Variants in FANCM observed in about 807,000 individuals in gnomAD.
FANCM encodes the protein FA complementation group M, also known as Fanconi anemia group M protein.
A neutral mutation model predicts 199.5 loss-of-function variants in FANCM; 140 were observed. That is an observed-to-expected ratio of 0.70 (90% CI 0.61 to 0.81). The LOEUF (loss-of-function observed/expected upper bound fraction) is 0.81. Ranked by LOEUF, FANCM falls within the 30% of genes least tolerant of loss-of-function variation. The pLI is 0.00. For synonymous variants in FANCM, 840 were observed against 836.8 expected (o/e 1.00, Z -0.07); for missense variants, 2,410 against 2,421.4 (o/e 1.00, Z 0.10).
Position 45,198,634 on chromosome 14 carries a change from G to T in FANCM, c.5717-10G>T, listed in dbSNP as rs939194173. ...CTGAAGTTTGCCTTTCCCTAAATATGAATATTTAGGAGACACATCAAGGAT... is the reference window on the plus strand; with the variant it reads ...CTGAAGTTTGCCTTTCCCTAAATATTAATATTTAGGAGACACATCAAGGAT... On this transcript the variant is annotated splice_polypyrimidine_tract_variant and intron_variant, in intron 21 of 22. Transcript: ENST00000267430. The T allele has an allele frequency of 2.5e-6, 4 of 1,589,704 alleles. No homozygotes were observed. The highest frequency in any genetic ancestry group is 3.4e-6 in the Non-Finnish European group (4 of 1,161,740).
intron 5 of FANCM, 44 bp downstream of exon 5, chr14:45,151,572 C>G (rs1886821731): frequency 6.4e-7 from 1 of 1,557,334 alleles, no homozygotes; most frequent in Non-Finnish European, 8.8e-7. Flanking sequence ...TAAATTTTCA[C>G]TGAAAGCCAG....
At position 45,181,724 on chromosome 14, in the gene FANCM, A is replaced by G. The variant is rs1256968553; in HGVS notation, c.4386+19A>G. On this transcript the variant is annotated intron_variant, in intron 16 of 22. Coordinates refer to ENST00000267430, the MANE Select transcript of FANCM (RefSeq NM_020937.4). The stretch of plus-strand genomic sequence containing the variant: ...AAACAGAGTAAGTAAATACCAGGTA[A>G]TGTATAGTAATCCAAATTCCTTTGG... 1 of 1,489,110 alleles carries G rather than the reference A, an allele frequency of 6.7e-7. No homozygotes were observed. Among genetic ancestry groups the G allele is most frequent in the South Asian group, 1.1e-5 (1 of 87,980 alleles). The allele number at this position is 1,489,110 out of a possible 1,614,324, so 92.2% of individuals were successfully genotyped here. A position where few individuals can be genotyped will look rare whatever the true frequency, so the allele number is the denominator to read the frequency against.
chr14:45,154,686 A>C lies in FANCM; in HGVS notation c.1184-11A>C, dbSNP rs751912055. ...ATTATTTATTTGAAAACCTTTTCTT[A>C]ATTTCTGAAGGGATGACACGGTCAA... is the stretch of plus-strand genomic sequence containing the variant. On this transcript the variant is annotated splice_polypyrimidine_tract_variant and intron_variant, in intron 6 of 22. Transcript: ENST00000267430. 17 of 1,557,400 alleles carry C rather than the reference A, an allele frequency of 1.1e-5. No individual in the cohort carries two copies. Among genetic ancestry groups the C allele is most frequent in the Non-Finnish European group, 2.6e-6 (3 of 1,137,272 alleles).
At chr14:45,171,146 T>C (rs1435467114) in intron 12 of FANCM, among the ~76,000 whole-genome samples, 2 of 151,732 alleles carry the variant, frequency 1.3e-5, no homozygotes, top group African/African-American at 4.8e-5. Context: ...ACTTTTTTTT[T>C]TTTTTTTAAG....
intron 13 of FANCM, among the ~76,000 whole-genome samples, chr14:45,174,065 C>T (rs564459516): frequency 1.3e-5 from 2 of 152,176 alleles, no homozygotes; most frequent in Non-Finnish European, 2.9e-5. Flanking sequence ...GACATTTGCT[C>T]ACATTAATGC....
At chr14:45,162,667 A>G (rs1007104302) in intron 9 of FANCM, among the ~76,000 whole-genome samples, 2 of 152,160 alleles carry the variant, frequency 1.3e-5, no homozygotes, top group African/African-American at 4.8e-5. Flanking sequence ...CATCAAGCAG[A>G]GATATTGGAT....
At chr14:45,177,460 C>T (rs933759692) in intron 14 of FANCM, among the ~76,000 whole-genome samples, 89 of 152,126 alleles carry the variant, frequency 5.9e-4, no homozygotes, top group African/African-American at 1.8e-3. Context: ...GGCATGGTCT[C>T]GGCTTACTGC....
intron 9 of FANCM, among the ~76,000 whole-genome samples, chr14:45,162,289 G>A (rs1887662306): frequency 1.3e-5 from 2 of 152,200 alleles, no homozygotes; most frequent in Admixed American, 1.3e-4. Flanking sequence ...GGGAGGCTGA[G>A]GCAGGAGAAT....
rs1428703114 is a variant in FANCM, at chr14:45,175,724, A to G, written c.2970A>G (p.Val990=). Residue 990 remains valine, a synonymous_variant, in exon 14 of 23, where the codon GTA becomes GTG. Coordinates refer to ENST00000267430, the MANE Select transcript of FANCM (RefSeq NM_020937.4). ...HSLTKEVLAN[V]ERFLSYSPPP... is the part of the protein sequence containing the mutation. ...TGACAAAAGAGGTACTAGCTAATGT[A>G]GAGAGATTTTTATCTTATTCTCCTC... The G allele has an allele frequency of 3.1e-6, 5 of 1,613,834 alleles. No individual in the cohort carries two copies. The highest frequency in any genetic ancestry group is 4.2e-6 in the Non-Finnish European group (5 of 1,179,922).
At chr14:45,162,201 C>T (rs1887656124) in intron 9 of FANCM, among the ~76,000 whole-genome samples, 1 of 152,184 alleles carries the variant, frequency 6.6e-6, no homozygotes, top group South Asian at 2.1e-4. Flanking sequence ...GCCTGGCCAA[C>T]ATGGTGAAAC....
chr14:45,139,185 A>G (rs547101007), intron 2 of FANCM, among the ~76,000 whole-genome samples: 27 of 152,346 alleles, frequency 1.8e-4, no homozygotes, highest in African/African-American at 6.0e-4. Context: ...AATGGTCACT[A>G]GGGATATTTT....
At position 45,189,148 on chromosome 14, in the gene FANCM, C is replaced by G; in HGVS notation, c.5126C>G (p.Pro1709Arg). ...CAGGACCATTGTTTAAATTCAGTGC[C>G]TTCTGGATCTTCTGCGCAGTCCAAG... is the stretch of plus-strand genomic sequence containing the variant. ...KQQDHCLNSV[P>R]SGSSAQSKVR... The change falls in exon 20 of 23, where the codon CCT becomes CGT. Residue 1709 changes from proline to arginine, a missense_variant. Coordinates refer to ENST00000267430, the MANE Select transcript of FANCM (RefSeq NM_020937.4). The G allele has an allele frequency of 6.2e-7, 1 of 1,614,114 alleles. No individual in the cohort carries two copies. The highest frequency in any genetic ancestry group is 8.5e-7 in the Non-Finnish European group (1 of 1,179,984).
At position 45,196,487 on chromosome 14, in the gene FANCM, C is replaced by T. The variant is rs79343837; in HGVS notation, c.5656C>T (p.His1886Tyr). The change falls in exon 21 of 23, where the codon CAC (histidine) becomes TAC (tyrosine). Residue 1886 changes from histidine to tyrosine, a missense_variant. Coordinates refer to ENST00000267430, the MANE Select transcript of FANCM (RefSeq NM_020937.4). ...NKNKFIEQIQ[H>Y]LQSMFERICV... is the part of the protein sequence containing the mutation. ...GAACAAGTTCATTGAGCAGATCCAG[C>T]ACCTGCAGAGTATGTTTGAAAGAAT... is the stretch of plus-strand genomic sequence containing the variant. 1.6e-3 allele frequency: 2,609 copies of T among 1,613,906 alleles called. 33 individuals are homozygous for T. The African/African-American group carries it at 0.029, about 18-fold the overall frequency.
rs531707294 is a variant in FANCM, at chr14:45,153,637, CCTTTA to C, written c.1051-279_1051-275del. ...AAGAAAAACAATATAATTTTTTTTT[CCTTTA>C]CTTATTATTTTTAAAATGTAAGTTT... is the stretch of plus-strand genomic sequence containing the variant. On this transcript the variant is annotated intron_variant, in intron 5 of 22. Coordinates refer to ENST00000267430, the MANE Select transcript of FANCM (RefSeq NM_020937.4). 9.3e-4 allele frequency among the ~76,000 whole-genome samples: 141 copies of C among 151,290 alleles called. 1 individual carries two copies. The highest frequency in any genetic ancestry group is 2.7e-3 in the South Asian group (13 of 4,812).
Position 45,182,065 on chromosome 14 carries a change from A to G in FANCM, c.4386+360A>G, listed in dbSNP as rs140344649. On this transcript the variant is annotated intron_variant, in intron 16 of 22. Transcript: ENST00000267430. Reference sequence around the variant, plus strand: ...ATCCTAAAACTGTCATAAGTTACTCAATAGGAGAGACAGAGAAGTAAACAG... The same window carrying G: ...ATCCTAAAACTGTCATAAGTTACTCGATAGGAGAGACAGAGAAGTAAACAG... 1.5e-4 allele frequency among the ~76,000 whole-genome samples: 23 copies of G among 152,366 alleles called. No individual in the cohort carries two copies. The East Asian group carries it at 4.4e-3, about 29-fold the overall frequency.
At chr14:45,147,219 G>T (rs1886462324) in intron 3 of FANCM, among the ~76,000 whole-genome samples, 1 of 152,112 alleles carries the variant, frequency 6.6e-6, no homozygotes, top group Admixed American at 6.5e-5. Context: ...CCAGGTATTG[G>T]GAATACCAAG....
At position 45,155,374 on chromosome 14, in the gene FANCM, A is replaced by T; in HGVS notation, c.1311A>T (p.Gly437=). Residue 437 remains glycine, a splice_region_variant and synonymous_variant, in exon 8 of 23, where the codon GGA becomes GGT. Coordinates refer to ENST00000267430, the MANE Select transcript of FANCM (RefSeq NM_020937.4). ...SANGISAIQQ[G]DKNKKFVYSH... is the part of the protein sequence containing the mutation. ...TTTGATATTTTTGTTTTGTTCCAGG[A>T]GATAAAAATAAAAAATTTGTTTATA... 1.6e-6 allele frequency: 2 copies of T among 1,258,244 alleles called. No homozygotes were observed. Among genetic ancestry groups the T allele is most frequent in the East Asian group, 2.3e-5 (1 of 42,914 alleles). 77.9% of individuals were successfully genotyped at this position (1,258,244 alleles called of 1,614,324 possible). A position where few individuals can be genotyped will look rare whatever the true frequency, so the allele number is the denominator to read the frequency against.
chr14:45,145,457 G>A (rs186231895), intron 3 of FANCM, among the ~76,000 whole-genome samples: 2 of 152,144 alleles, frequency 1.3e-5, no homozygotes, highest in African/African-American at 2.4e-5. Context: ...TTCTCCTTCT[G>A]TGGTGGCATT....
At chr14:45,189,669 G>A (rs1395933974) in intron 20 of FANCM, among the ~76,000 whole-genome samples, 1 of 152,120 alleles carries the variant, frequency 6.6e-6, no homozygotes, top group Non-Finnish European at 1.5e-5. Context: ...GAAATTATGT[G>A]TTCAGAGTTA....
Sources: allele counts gnomAD v4.1 joint callset (sites outside exome capture counted in the v4.1 genomes callset), GRCh38; gene constraint gnomAD v4.1.1; transcripts MANE v1.5; gene names NCBI Gene and HGNC (gene_info 2026-07-23, HGNC 2026-07-21).